The following FRMD4A variants were observed in gnomAD, a reference collection of about 807,000 sequenced individuals.
The protein encoded by FRMD4A is FERM domain-containing protein 4A.
A neutral mutation model predicts 129.1 loss-of-function variants in FRMD4A; 29 were observed. The ratio of observed to expected loss-of-function variants is 0.22; its 90% CI spans 0.17 to 0.31. The LOEUF (loss-of-function observed/expected upper bound fraction) is 0.31. Ranked by LOEUF, FRMD4A falls within the 10% of genes least tolerant of loss-of-function variation. The pLI is 1.00. For missense variants in FRMD4A, 1,272 were observed against 1,375.8 expected (o/e 0.92, Z 1.19); for synonymous variants, 634 against 571.6 (o/e 1.11, Z -1.56).
chr10:14,097,417 C>T (rs1312405065), intron 2 of FRMD4A, among the ~76,000 whole-genome samples: 2 of 152,086 alleles, frequency 1.3e-5, no homozygotes, highest in African/African-American at 4.8e-5. Context: ...TGAGCACTAA[C>T]TACGTTCTAG....
intron 20 of FRMD4A, 99 bp from the exon 21 acceptor site, chr10:13,659,589 G>A (rs2082465607): frequency 1.6e-6 from 2 of 1,237,154 alleles, no homozygotes; most frequent in South Asian, 2.8e-5. Flanking sequence ...TGTGGGGAAA[G>A]CTCGCCCGTG....
intron 9 of FRMD4A, among the ~76,000 whole-genome samples, chr10:13,740,823 G>GTTGT (rs753012587): frequency 3.4e-4 from 36 of 105,106 alleles, no homozygotes; most frequent in Non-Finnish European, 5.8e-4. Context: ...TGTCTTGGAT[G>GTTGT]TTTGTTTTTT....
chr10:14,040,220 C>T (rs1036035002), intron 2 of FRMD4A, among the ~76,000 whole-genome samples: 1 of 152,034 alleles, frequency 6.6e-6, no homozygotes, highest in Non-Finnish European at 1.5e-5. Flanking sequence ...ATCACTGCTA[C>T]ACTGGGCTTG....
chr10:13,703,172 C>T (rs1240355345), intron 13 of FRMD4A, among the ~76,000 whole-genome samples: 2 of 152,118 alleles, frequency 1.3e-5, no homozygotes, highest in East Asian at 3.9e-4. Flanking sequence ...TAGGTACCTC[C>T]ATTTCTCAGG....
At chr10:13,994,348 T>G (rs926852565) in intron 2 of FRMD4A, among the ~76,000 whole-genome samples, 1 of 151,748 alleles carries the variant, frequency 6.6e-6, no homozygotes, top group African/African-American at 2.4e-5. Context: ...CTCAGCTAAT[T>G]TTTGTATTTT....
chr10:14,299,834 T>C (rs1182689544), intron 2 of FRMD4A, among the ~76,000 whole-genome samples: 1 of 152,038 alleles, frequency 6.6e-6, no homozygotes, highest in African/African-American at 2.4e-5. Context: ...ATACAGTATG[T>C]GTAGTTTGGC....
chr10:13,982,079 C>G (rs1032308729), intron 2 of FRMD4A, among the ~76,000 whole-genome samples: 1 of 152,218 alleles, frequency 6.6e-6, no homozygotes, highest in Non-Finnish European at 1.5e-5. Context: ...TCCCTCTTCC[C>G]CAAGGTGGTT....
chr10:13,672,171 T>A (rs1354507882), intron 16 of FRMD4A, among the ~76,000 whole-genome samples: 2 of 152,224 alleles, frequency 1.3e-5, no homozygotes, highest in African/African-American at 4.8e-5. Context: ...TGCTTCTCCC[T>A]CGCTGTGTTC....
At chr10:14,027,473 G>A (rs971858018) in intron 2 of FRMD4A, among the ~76,000 whole-genome samples, 20 of 152,156 alleles carry the variant, frequency 1.3e-4, no homozygotes, top group Admixed American at 1.0e-3. Context: ...AAAATTAGCT[G>A]GGCTTGGTGG....
rs544552337 is a variant in FRMD4A, at chr10:14,330,114, C to G, written c.-12G>C. ...AGCTGCACTGCCATGGTCTCCGATTCCCATGCACGAATCCTGCTGCCGAGT... is the reference window on the plus strand; with the variant it reads ...AGCTGCACTGCCATGGTCTCCGATTGCCATGCACGAATCCTGCTGCCGAGT... On this transcript the variant is annotated 5_prime_UTR_variant, in exon 2 of 25. Coordinates refer to ENST00000357447, the MANE Select transcript of FRMD4A (RefSeq NM_018027.5). The G allele has an allele frequency of 6.4e-7, 1 of 1,552,006 alleles. No individual in the cohort carries two copies. Among genetic ancestry groups the G allele is most frequent in the African/African-American group, 1.4e-5 (1 of 73,178 alleles).
intron 2 of FRMD4A, among the ~76,000 whole-genome samples, chr10:14,287,620 C>T (rs878948874): frequency 6.6e-6 from 1 of 152,196 alleles, no homozygotes; most frequent in African/African-American, 2.4e-5. Context: ...TCACCAGCAA[C>T]GCTTATAAAT....
At chr10:13,684,309 G>A in intron 15 of FRMD4A, 3 of 984,662 alleles carry the variant, frequency 3.0e-6, no homozygotes, top group Non-Finnish European at 2.4e-6. Flanking sequence ...AGAGAGAGAT[G>A]GAGTTACTCA....
At chr10:14,271,365 C>T (rs1845157621) in intron 2 of FRMD4A, among the ~76,000 whole-genome samples, 1 of 152,246 alleles carries the variant, frequency 6.6e-6, no homozygotes, top group Admixed American at 6.5e-5. Context: ...GCTCAGGGTG[C>T]AAGGCAGGGC....
At position 14,309,645 on chromosome 10, in the gene FRMD4A, C is replaced by T. The variant is rs974407253; in HGVS notation, c.45+20413G>A. On this transcript the variant is annotated intron_variant, in intron 2 of 24. Transcript: ENST00000357447. The stretch of plus-strand genomic sequence containing the variant: ...CAGTCATTAAGGCTTCACTGAGCAG[C>T]ATTCGAACCCCAGCCTCCAGGCCCC... Among the ~76,000 whole-genome samples the T allele has an allele frequency of 4.6e-5, 7 of 152,092 alleles. No homozygotes were observed. The East Asian group carries it at 1.2e-3, about 25-fold the overall frequency.
chr10:14,294,843 G>C (rs1218458), intron 2 of FRMD4A, among the ~76,000 whole-genome samples: 1 of 152,022 alleles, frequency 6.6e-6, no homozygotes, highest in Non-Finnish European at 1.5e-5. Flanking sequence ...TGTGAGGAGC[G>C]TGTCTATTAT....
At chr10:14,019,782 T>C (rs1414248130) in intron 2 of FRMD4A, among the ~76,000 whole-genome samples, 1 of 152,216 alleles carries the variant, frequency 6.6e-6, no homozygotes, top group African/African-American at 2.4e-5. Flanking sequence ...GAAGTAGGGC[T>C]GTGGAGGGTG....
chr10:14,037,474 T>C (rs952975706), intron 2 of FRMD4A, among the ~76,000 whole-genome samples: 2 of 152,222 alleles, frequency 1.3e-5, no homozygotes, highest in Non-Finnish European at 2.9e-5. Flanking sequence ...CACCTTAGCC[T>C]CTCAAAGTGC....
chr10:14,234,377 G>A (rs1843732654), intron 2 of FRMD4A, among the ~76,000 whole-genome samples: 1 of 152,160 alleles, frequency 6.6e-6, no homozygotes, highest in African/African-American at 2.4e-5. Context: ...TTATCGTTGT[G>A]CATTCAGTAA....
In FRMD4A at chr10:14,075,415, A is replaced by C. The variant is rs146074846; in HGVS notation, c.46-216503T>G. Among the ~76,000 whole-genome samples the C allele has an allele frequency of 2.2e-3, 329 of 152,342 alleles. 2 individuals are homozygous for C. The highest frequency in any genetic ancestry group is 7.4e-3 in the African/African-American group (309 of 41,582). ...GTTTATTATTTCTATTTTCCAAATC[A>C]GGAGACCAAGGTCTATAGAGATTAC... is the stretch of plus-strand genomic sequence containing the variant. On this transcript the variant is annotated intron_variant, in intron 2 of 24. Coordinates refer to ENST00000357447, the MANE Select transcript of FRMD4A (RefSeq NM_018027.5).
Sources: allele counts gnomAD v4.1 joint callset (sites outside exome capture counted in the v4.1 genomes callset), GRCh38; gene constraint gnomAD v4.1.1; transcripts MANE v1.5; gene names NCBI Gene and HGNC (gene_info 2026-07-23, HGNC 2026-07-21).